Variants in ENTPD1 observed in about 807,000 individuals in gnomAD.
ENTPD1 encodes the protein ectonucleoside triphosphate diphosphohydrolase 1.
A neutral mutation model predicts 57.0 loss-of-function variants in ENTPD1; 33 were observed. That is an observed-to-expected ratio of 0.58 (90% CI 0.44 to 0.77). ENTPD1 has a LOEUF of 0.77. Ranked by LOEUF, ENTPD1 falls within the 30% of genes least tolerant of loss-of-function variation. ENTPD1 has a pLI of 0.00. For synonymous variants in ENTPD1, 202 were observed against 218.8 expected (o/e 0.92, Z 0.68); for missense variants, 501 against 603.4 (o/e 0.83, Z 1.78).
chr10:95,715,997 C>T lies in ENTPD1; in HGVS notation c.37+4004C>T, dbSNP rs549311774. On this transcript the variant is annotated intron_variant, in intron 1 of 9. Coordinates refer to the ENTPD1 transcript ENST00000453258. ...CTTCCACCTCAGCCTCCTGAGTAGC[C>T]GGGACTACAGATGTGTGACACCACA... 9.9e-5 allele frequency among the ~76,000 whole-genome samples: 15 copies of T among 152,122 alleles called. 1 individual carries two copies. In the South Asian group the frequency reaches 1.5e-3, roughly 15 times the overall value.
intron 1 of ENTPD1, among the ~76,000 whole-genome samples, chr10:95,767,316 A>G (rs1246816712): frequency 1.0e-5 from 1 of 96,280 alleles, no homozygotes. Flanking sequence ...CTCCATCTCA[A>G]AAAAAAAAAA....
intron 1 of ENTPD1, among the ~76,000 whole-genome samples, chr10:95,740,505 A>G (rs369032103): frequency 6.6e-6 from 1 of 152,222 alleles, no homozygotes; most frequent in East Asian, 1.9e-4. Flanking sequence ...CACCAGCTTC[A>G]TTAGGCCCTA....
chr10:95,751,973 C>T (rs537761919), upstream of ENTPD1, among the ~76,000 whole-genome samples: 1 of 152,222 alleles, frequency 6.6e-6, no homozygotes, highest in African/African-American at 2.4e-5. Context: ...GGAATACCAA[C>T]ATTTACAAGA....
At chr10:95,797,926 T>C (rs1269420777) in intron 1 of ENTPD1, among the ~76,000 whole-genome samples, 1 of 152,152 alleles carries the variant, frequency 6.6e-6, no homozygotes, top group Admixed American at 6.5e-5. Context: ...GTTATCCTCA[T>C]AGAGATTAAG....
chr10:95,845,320 A>G (rs753034313), intron 5 of ENTPD1, 37 bp from the exon 6 acceptor site: 10 of 1,613,602 alleles, frequency 6.2e-6, no homozygotes, highest in Non-Finnish European at 8.5e-6. Context: ...CAGGGTGTCC[A>G]GAGACTTCTA....
intron 1 of ENTPD1, among the ~76,000 whole-genome samples, chr10:95,812,269 G>T (rs1246821288): frequency 1.3e-5 from 2 of 152,110 alleles, no homozygotes; most frequent in African/African-American, 2.4e-5. Flanking sequence ...CTGAGCCTTT[G>T]CCTACTGATC....
At chr10:95,762,674 T>C (rs2098070670) in intron 1 of ENTPD1, among the ~76,000 whole-genome samples, 1 of 152,310 alleles carries the variant, frequency 6.6e-6, no homozygotes, top group Non-Finnish European at 1.5e-5. Flanking sequence ...GGAAGTTTTT[T>C]CCATATGTAG....
intron 1 of ENTPD1, among the ~76,000 whole-genome samples, chr10:95,802,323 G>T (rs1307901676): frequency 2.6e-5 from 4 of 152,168 alleles, no homozygotes; most frequent in Non-Finnish European, 5.9e-5. Flanking sequence ...GTTTTATTTT[G>T]CAGAGGAAGC....
rs920112551 is a variant in ENTPD1 at position 95,870,219 on chromosome 10, C to G, written c.*3836C>G. ...ACAAGAGACCTTGGGAAAGTTTCAT[C>G]TGGATTTAAAGATTAATTCTTGATG... On this transcript the variant is annotated 3_prime_UTR_variant, in exon 10 of 10. Transcript: ENST00000371205. 1.0e-6 allele frequency: 1 copy of G among 985,306 alleles called. No homozygotes were observed. The highest frequency in any genetic ancestry group is 1.7e-5 in the African/African-American group (1 of 57,224). 61.0% of individuals were successfully genotyped at this position (985,306 alleles called of 1,614,324 possible). A position where few individuals can be genotyped will look rare whatever the true frequency, so the allele number is the denominator to read the frequency against.
At chr10:95,745,835 G>A (rs1427028210) in intron 1 of ENTPD1, among the ~76,000 whole-genome samples, 2 of 152,174 alleles carry the variant, frequency 1.3e-5, no homozygotes, top group African/African-American at 4.8e-5. Context: ...CTGCTGCCAC[G>A]TTGGGTTGTA....
chr10:95,768,580 A>T (rs77861535), intron 1 of ENTPD1, among the ~76,000 whole-genome samples: 2,291 of 144,284 alleles, frequency 0.016, 63 homozygotes, highest in African/African-American at 0.056. Flanking sequence ...GCATTCTGAG[A>T]CTATTTTCCT....
the ENTPD1 span, among the ~76,000 whole-genome samples, chr10:95,698,957 A>T: frequency 6.6e-6 from 1 of 152,192 alleles, no homozygotes; most frequent in Non-Finnish European, 1.5e-5. Context: ...CACTCAAAAG[A>T]TCTACATTTG....
At chr10:95,718,593 A>C (rs1265499791) in intron 1 of ENTPD1, among the ~76,000 whole-genome samples, 1 of 152,162 alleles carries the variant, frequency 6.6e-6, no homozygotes, top group Admixed American at 6.5e-5. Flanking sequence ...CTGTGTGGGC[A>C]TGGAGAACTA....
intron 1 of ENTPD1, among the ~76,000 whole-genome samples, chr10:95,792,951 C>T (rs906605005): frequency 6.6e-6 from 1 of 152,082 alleles, no homozygotes; most frequent in Non-Finnish European, 1.5e-5. Flanking sequence ...CTCATAGTAC[C>T]ATACTTGTGT....
rs1177121056 is a variant in ENTPD1, at chr10:95,870,556, G to A, written c.*4173G>A. 2 of 985,210 alleles carry A rather than the reference G, an allele frequency of 2.0e-6. No individual in the cohort carries two copies. The highest frequency in any genetic ancestry group is 2.4e-6 in the Non-Finnish European group (2 of 829,844). The allele number at this position is 985,210 out of a possible 1,614,324, so 61.0% of individuals were successfully genotyped here. A position where few individuals can be genotyped will look rare whatever the true frequency, so the allele number is the denominator to read the frequency against. The stretch of plus-strand genomic sequence containing the variant: ...GGCCTCCCAAAGTGTTGAGATTACA[G>A]GCGTAAGCCACTGCACCTGGCCAAG... On this transcript the variant is annotated 3_prime_UTR_variant, in exon 10 of 10. Transcript: ENST00000371205.
intron 1 of ENTPD1, among the ~76,000 whole-genome samples, chr10:95,776,571 A>AT (rs1402502219): frequency 6.6e-6 from 1 of 151,692 alleles, no homozygotes; most frequent in Non-Finnish European, 1.5e-5. Context: ...TGCCCTTAAC[A>AT]TTTTTTCCTT....
intron 1 of ENTPD1, among the ~76,000 whole-genome samples, chr10:95,819,091 T>A (rs778742872): frequency 6.6e-6 from 1 of 152,206 alleles, no homozygotes; most frequent in Non-Finnish European, 1.5e-5. Context: ...GCTGTTATAT[T>A]TTTGTTATCA....
intron 1 of ENTPD1, among the ~76,000 whole-genome samples, chr10:95,809,728 G>C (rs1257892848): frequency 1.3e-5 from 2 of 150,016 alleles, no homozygotes; most frequent in Non-Finnish European, 3.0e-5. Context: ...TGGCCGCCGG[G>C]CAGAGGCGCT....
At chr10:95,775,288 C>G (rs1404251053) in intron 1 of ENTPD1, among the ~76,000 whole-genome samples, 1 of 152,194 alleles carries the variant, frequency 6.6e-6, no homozygotes, top group Non-Finnish European at 1.5e-5. Flanking sequence ...GACAATTTGA[C>G]TTCCTCTTTT....
Sources: allele counts gnomAD v4.1 joint callset (sites outside exome capture counted in the v4.1 genomes callset), GRCh38; gene constraint gnomAD v4.1.1; transcripts MANE v1.5; gene names NCBI Gene and HGNC (gene_info 2026-07-23, HGNC 2026-07-21).